AGBL4: variants seen among roughly 807,000 people sequenced by gnomAD.
The protein encoded by AGBL4 is cytosolic carboxypeptidase 6.
In AGBL4, 58 loss-of-function variants were observed where a neutral mutation model predicts 66.4. The ratio of observed to expected loss-of-function variants is 0.87; its 90% CI spans 0.71 to 1.09. AGBL4 has a LOEUF of 1.09. Ranked by LOEUF, AGBL4 falls within the 50% of genes least tolerant of loss-of-function variation. AGBL4 has a pLI of 0.00. For missense variants in AGBL4, 579 were observed against 631.0 expected (o/e 0.92, Z 0.88); for synonymous variants, 234 against 222.9 (o/e 1.05, Z -0.44).
chr1:49,423,089 C>G (rs1159344638), intron 3 of AGBL4: 5 of 152,162 alleles, frequency 3.3e-5, no homozygotes, highest in Admixed American at 1.3e-4. Flanking sequence ...AGGTCTGGGT[C>G]CCCAATGTAC....
At chr1:48,897,349 C>T (rs1462915719) in intron 5 of AGBL4, among the ~76,000 whole-genome samples, 1 of 152,172 alleles carries the variant, frequency 6.6e-6, no homozygotes, top group African/African-American at 2.4e-5. Flanking sequence ...TTTCATTGTG[C>T]ATATGTACCA....
At chr1:49,151,868 A>G (rs1646342686) in intron 4 of AGBL4, among the ~76,000 whole-genome samples, 1 of 152,170 alleles carries the variant, frequency 6.6e-6, no homozygotes, top group Non-Finnish European at 1.5e-5. Context: ...ACCTATTAAC[A>G]TCTATTTCCC....
intron 3 of AGBL4, among the ~76,000 whole-genome samples, chr1:49,315,619 G>A (rs1018419765): frequency 5.3e-5 from 8 of 152,042 alleles, no homozygotes; most frequent in African/African-American, 1.2e-4. Flanking sequence ...ACATTTATGC[G>A]GCCAACAAAC....
intron 11 of AGBL4, among the ~76,000 whole-genome samples, chr1:48,567,484 G>C (rs754482460): frequency 1.3e-5 from 2 of 152,156 alleles, no homozygotes; most frequent in Admixed American, 6.5e-5. Flanking sequence ...AATAATCTAG[G>C]GGCAGCTCTC....
At chr1:49,613,534 T>C (rs759644199) in intron 3 of AGBL4, among the ~76,000 whole-genome samples, 19 of 152,218 alleles carry the variant, frequency 1.2e-4, no homozygotes, top group Non-Finnish European at 1.8e-4. Context: ...CTTTGCCTCC[T>C]GTCAGATCAG....
At position 49,204,110 on chromosome 1, in the gene AGBL4, TA is replaced by T. The variant is rs751706352; in HGVS notation, c.377+41659del. Reference sequence around the variant, plus strand: ...GCCATTTCAAATAGAACAGCTTGAATAAAGGGGCCAAGTAGGAGACAGACTT... The same window carrying T: ...GCCATTTCAAATAGAACAGCTTGAATAAGGGGCCAAGTAGGAGACAGACTT... On this transcript the variant is annotated intron_variant, in intron 4 of 13. Coordinates refer to ENST00000371839, the MANE Select transcript of AGBL4 (RefSeq NM_032785.4). Among the ~76,000 whole-genome samples, 13 of 151,978 alleles carry T rather than the reference TA, an allele frequency of 8.6e-5. No individual in the cohort carries two copies. The East Asian group carries it at 9.7e-4, about 11-fold the overall frequency.
chr1:49,822,176 A>G (rs1390170745), intron 2 of AGBL4, among the ~76,000 whole-genome samples: 1 of 152,274 alleles, frequency 6.6e-6, no homozygotes, highest in Non-Finnish European at 1.5e-5. Context: ...TTCACAACAT[A>G]AAGACAGATG....
intron 6 of AGBL4, among the ~76,000 whole-genome samples, chr1:48,813,888 A>G (rs546232277): frequency 4.2e-4 from 64 of 151,636 alleles, no homozygotes; most frequent in Admixed American, 8.6e-4. Context: ...TCTGGGAGAA[A>G]AGGACCTTCA....
At chr1:49,640,912 T>A (rs1447170499) in intron 3 of AGBL4, among the ~76,000 whole-genome samples, 4 of 152,136 alleles carry the variant, frequency 2.6e-5, no homozygotes, top group Non-Finnish European at 5.9e-5. Flanking sequence ...TGTGTGAGAA[T>A]TAAATTGTAT....
chr1:49,843,664 T>C (rs555679730), intron 2 of AGBL4, among the ~76,000 whole-genome samples: 13 of 152,316 alleles, frequency 8.5e-5, no homozygotes, highest in Admixed American at 5.9e-4. Context: ...TGATTAGCAA[T>C]GTTAATTCCT....
chr1:49,185,909 G>C (rs1557709944), intron 4 of AGBL4, among the ~76,000 whole-genome samples: 1 of 152,080 alleles, frequency 6.6e-6, no homozygotes, highest in Non-Finnish European at 1.5e-5. Context: ...GCAATGCCCA[G>C]GTGACCAGCC....
At chr1:49,192,218 GTA>G (rs1647133958) in intron 4 of AGBL4, among the ~76,000 whole-genome samples, 2 of 151,932 alleles carry the variant, frequency 1.3e-5, no homozygotes, top group Non-Finnish European at 2.9e-5. Context: ...GTGATGTTGA[GTA>G]TTTTTTATAA....
At chr1:49,746,414 A>G (rs1364801307) in intron 2 of AGBL4, among the ~76,000 whole-genome samples, 3 of 152,082 alleles carry the variant, frequency 2.0e-5, no homozygotes, top group Non-Finnish European at 4.4e-5. Flanking sequence ...CCTCTTCTGC[A>G]TAAGTGGTCT....
intron 6 of AGBL4, among the ~76,000 whole-genome samples, chr1:48,695,874 C>A (rs1646706059): frequency 6.6e-6 from 1 of 152,170 alleles, no homozygotes; most frequent in African/African-American, 2.4e-5. Flanking sequence ...ACCACCAACC[C>A]CTAAACCTCC....
At chr1:49,729,919 T>A (rs562957499) in intron 2 of AGBL4, among the ~76,000 whole-genome samples, 3 of 152,104 alleles carry the variant, frequency 2.0e-5, no homozygotes, top group Admixed American at 1.3e-4. Context: ...AGCCTGAAAA[T>A]GAGCTGAGCT....
At chr1:49,142,215 G>A (rs1415441136) in intron 4 of AGBL4, among the ~76,000 whole-genome samples, 3 of 152,066 alleles carry the variant, frequency 2.0e-5, no homozygotes, top group African/African-American at 4.8e-5. Flanking sequence ...TCCTGTTTCT[G>A]GTCCATGGAA....
intron 6 of AGBL4, among the ~76,000 whole-genome samples, chr1:48,802,972 C>T (rs897856257): frequency 1.3e-5 from 2 of 152,214 alleles, no homozygotes; most frequent in Non-Finnish European, 2.9e-5. Flanking sequence ...ACCCCAGGAA[C>T]AGTGAAGGCT....
At chr1:49,479,866 C>A (rs1027416640) in intron 3 of AGBL4, among the ~76,000 whole-genome samples, 5 of 151,644 alleles carry the variant, frequency 3.3e-5, no homozygotes, top group Non-Finnish European at 5.9e-5. Flanking sequence ...CGCCACCACG[C>A]CCGGCTAATT....
At chr1:49,102,065 A>G (rs887158775) in intron 4 of AGBL4, among the ~76,000 whole-genome samples, 1 of 152,138 alleles carries the variant, frequency 6.6e-6, no homozygotes, top group Non-Finnish European at 1.5e-5. Context: ...GAAGGGAGAC[A>G]CAGCACCAGC....
Sources: allele counts gnomAD v4.1 joint callset (sites outside exome capture counted in the v4.1 genomes callset), GRCh38; gene constraint gnomAD v4.1.1; transcripts MANE v1.5; gene names NCBI Gene and HGNC (gene_info 2026-07-23, HGNC 2026-07-21).